The following KCMF1 variants were observed in gnomAD, a reference collection of about 807,000 sequenced individuals.
KCMF1 encodes E3 ubiquitin-protein ligase KCMF1.
Under a neutral mutation model 41.1 loss-of-function variants are expected in KCMF1, and 3 were observed. The ratio of observed to expected loss-of-function variants is 0.07; its 90% CI spans 0.03 to 0.19. KCMF1 has a LOEUF of 0.19. Among genes scored for constraint, KCMF1 ranks in the 10% least tolerant of loss-of-function variants. The probability of loss-of-function intolerance (pLI) is 1.00; values close to 1 mark genes in which losing one functional copy is unlikely to be tolerated. For missense variants in KCMF1, 286 were observed against 488.9 expected (o/e 0.58, Z 3.91); for synonymous variants, 142 against 164.5 (o/e 0.86, Z 1.04).
rs1408779323 is a variant in KCMF1, at chr2:85,054,157, A to G, written c.*748A>G. Reference sequence around the variant, plus strand: ...CTGCAGGGGCCTTTGTGTGCCCTAAAAACAAATCCTGTTCATGTTTGTTTA... The same window carrying G: ...CTGCAGGGGCCTTTGTGTGCCCTAAGAACAAATCCTGTTCATGTTTGTTTA... On this transcript the variant is annotated 3_prime_UTR_variant, in exon 7 of 7. Transcript: ENST00000409785. 6.6e-6 allele frequency: 1 copy of G among 152,226 alleles called. No homozygotes were observed. Among genetic ancestry groups the G allele is most frequent in the African/African-American group, 2.4e-5 (1 of 41,458 alleles). 9.4% of individuals were successfully genotyped at this position (152,226 alleles called of 1,614,324 possible). A position where few individuals can be genotyped will look rare whatever the true frequency, so the allele number is the denominator to read the frequency against.
chr2:85,007,186 T>C (rs1674494500), intron 1 of KCMF1, among the ~76,000 whole-genome samples: 1 of 152,136 alleles, frequency 6.6e-6, no homozygotes, highest in African/African-American at 2.4e-5. Flanking sequence ...GATAATCCTC[T>C]TCCCTTTCTC....
intron 1 of KCMF1, among the ~76,000 whole-genome samples, chr2:85,012,525 C>T (rs1015034990): frequency 6.6e-6 from 1 of 152,096 alleles, no homozygotes; most frequent in African/African-American, 2.4e-5. Flanking sequence ...TACCGTATAT[C>T]ACTCTCAGTG....
chr2:85,049,274 C>T, intron 5 of KCMF1, 92 bp from the exon 6 acceptor site: 2 of 1,317,590 alleles, frequency 1.5e-6, no homozygotes, highest in African/African-American at 2.9e-5. Context: ...GTTCACAATG[C>T]TTTTGATGTT....
chr2:85,043,171 A>G (rs1251125451), intron 3 of KCMF1, among the ~76,000 whole-genome samples: 1 of 152,236 alleles, frequency 6.6e-6, no homozygotes, highest in Non-Finnish European at 1.5e-5. Context: ...TTGGCTCTCA[A>G]GTATAGCTTG....
intron 1 of KCMF1, among the ~76,000 whole-genome samples, chr2:84,992,835 T>A (rs1674076216): frequency 6.6e-6 from 1 of 152,112 alleles, no homozygotes; most frequent in Non-Finnish European, 1.5e-5. Context: ...TTAGCCAGGA[T>A]GGTCTCGATC....
chr2:85,032,654 G>A (rs1335809021), intron 2 of KCMF1, among the ~76,000 whole-genome samples: 1 of 152,140 alleles, frequency 6.6e-6, no homozygotes, highest in South Asian at 2.1e-4. Context: ...TGGGATTACA[G>A]ATGTGAGCCA....
At chr2:85,006,807 T>C (rs1158076726) in intron 1 of KCMF1, among the ~76,000 whole-genome samples, 1 of 151,716 alleles carries the variant, frequency 6.6e-6, no homozygotes, top group Non-Finnish European at 1.5e-5. Context: ...CCACTACTCA[T>C]ATTAAGAAAT....
chr2:85,033,166 C>T (rs1675317965), intron 2 of KCMF1, among the ~76,000 whole-genome samples: 1 of 152,144 alleles, frequency 6.6e-6, no homozygotes, highest in African/African-American at 2.4e-5. Context: ...ATACATAATA[C>T]ATAAAACTTT....
chr2:85,038,436 T>C (rs953815001), intron 3 of KCMF1, among the ~76,000 whole-genome samples: 1 of 152,190 alleles, frequency 6.6e-6, no homozygotes, highest in Non-Finnish European at 1.5e-5. Flanking sequence ...GATCATCCAC[T>C]AGTCCTTTAT....
At chr2:85,036,459 A>G (rs1312708945) in intron 3 of KCMF1, among the ~76,000 whole-genome samples, 2 of 152,198 alleles carry the variant, frequency 1.3e-5, no homozygotes, top group African/African-American at 4.8e-5. Flanking sequence ...CCTAAATACC[A>G]TAACACAAAC....
At chr2:84,998,592 T>TTTACTTAC (rs546940355) in intron 1 of KCMF1, among the ~76,000 whole-genome samples, 7 of 151,278 alleles carry the variant, frequency 4.6e-5, no homozygotes, top group African/African-American at 1.7e-4. Context: ...TATTTATTTA[T>TTTACTTAC]TTACTTACTT....
intron 1 of KCMF1, among the ~76,000 whole-genome samples, chr2:84,978,514 T>C (rs966201253): frequency 6.6e-6 from 1 of 151,146 alleles, no homozygotes; most frequent in Non-Finnish European, 1.5e-5. Context: ...TTTTTTTTTT[T>C]ATACTTTAAG....
intron 1 of KCMF1, among the ~76,000 whole-genome samples, chr2:84,982,446 G>GGCTGGAGT (rs1673789092): frequency 1.6e-5 from 2 of 122,572 alleles, no homozygotes; most frequent in Non-Finnish European, 3.2e-5. Context: ...TTGTCGCCCA[G>GGCTGGAGT]GCTGGAGTGC....
intron 1 of KCMF1, among the ~76,000 whole-genome samples, chr2:85,002,631 A>G (rs1481659712): frequency 6.6e-6 from 1 of 151,202 alleles, no homozygotes; most frequent in East Asian, 1.9e-4. Context: ...TTTTTTCACT[A>G]ATATCCCTTT....
At position 85,058,099 on chromosome 2, in the gene KCMF1, C is replaced by CA. The variant is rs1238589297; in HGVS notation, c.*4691dup. On this transcript the variant is annotated 3_prime_UTR_variant, in exon 7 of 7. Coordinates refer to ENST00000409785, the MANE Select transcript of KCMF1 (RefSeq NM_020122.5). ...GCTGCACATGGCTGATTTGAAAACCCATGTGGGGCCGGGTGTGGTGGCTCA... is the reference window on the plus strand; with the variant it reads ...GCTGCACATGGCTGATTTGAAAACCCAATGTGGGGCCGGGTGTGGTGGCTCA... 2.0e-5 allele frequency: 3 copies of CA among 152,592 alleles called. No homozygotes were observed. Among genetic ancestry groups the CA allele is most frequent in the African/African-American group, 7.2e-5 (3 of 41,452 alleles). The allele number at this position is 152,592 out of a possible 1,614,324, so 9.5% of individuals were successfully genotyped here.
rs574022733 is a variant in KCMF1, at chr2:85,007,119, A to G, written c.17-20770A>G. ...TCAGTCTCAAAAAAAAAAAAAAAAA[A>G]AAAGAAATAGAACATCTCATCCACA... On this transcript the variant is annotated intron_variant, in intron 1 of 6. Coordinates refer to ENST00000409785, the MANE Select transcript of KCMF1 (RefSeq NM_020122.5). Among the ~76,000 whole-genome samples the G allele has an allele frequency of 5.3e-3, 802 of 151,826 alleles. 6 individuals carry two copies. Among genetic ancestry groups the G allele is most frequent in the African/African-American group, 0.018 (755 of 41,410 alleles).
chr2:85,022,308 CA>C (rs199778122), intron 1 of KCMF1, among the ~76,000 whole-genome samples: 2 of 151,458 alleles, frequency 1.3e-5, no homozygotes, highest in African/African-American at 2.4e-5. Flanking sequence ...CCCATCTCTA[CA>C]AAAAAAATAC....
At chr2:85,015,772 T>G (rs568686150) in intron 1 of KCMF1, among the ~76,000 whole-genome samples, 13 of 152,324 alleles carry the variant, frequency 8.5e-5, no homozygotes, top group African/African-American at 2.9e-4. Context: ...ACTTTCCACC[T>G]ACCTCATGAC....
intron 1 of KCMF1, among the ~76,000 whole-genome samples, chr2:85,024,196 G>T (rs1303162820): frequency 6.6e-6 from 1 of 152,192 alleles, no homozygotes; most frequent in Non-Finnish European, 1.5e-5. Flanking sequence ...GAAGAAAAAG[G>T]CCGAGCGTGG....
Sources: gnomAD v4.1 joint callset for allele counts (sites outside exome capture counted in the v4.1 genomes callset) on GRCh38, gnomAD v4.1.1 for gene constraint, MANE v1.5 for transcripts, NCBI Gene and HGNC (gene_info 2026-07-23, HGNC 2026-07-21) for gene names.